Variants in POTEJ observed in about 807,000 individuals in gnomAD.
POTEJ encodes the protein POTE ankyrin domain family, member J.
In POTEJ, 11 loss-of-function variants were observed where a neutral mutation model predicts 69.0. The ratio of observed to expected loss-of-function variants is 0.16; its 90% CI spans 0.10 to 0.26. POTEJ has a LOEUF of 0.26. Ranked by LOEUF, POTEJ falls within the 10% of genes least tolerant of loss-of-function variation. The pLI is 1.00. For synonymous variants in POTEJ, 117 were observed against 381.1 expected (o/e 0.31, Z 8.07); for missense variants, 327 against 1,045.5 (o/e 0.31, Z 9.48).
chr2:130,626,655 G>C (rs1685718075), intron 6 of POTEJ, among the ~76,000 whole-genome samples: 1 of 152,170 alleles, frequency 6.6e-6, no homozygotes. Flanking sequence ...TTGATGGAAG[G>C]TTCTTTACCC....
rs1222605234 is a variant in POTEJ, at chr2:130,657,338, G to C, written c.2578G>C (p.Gly860Arg). 6.3e-7 allele frequency: 1 copy of C among 1,598,360 alleles called. No individual in the cohort carries two copies. The highest frequency in any genetic ancestry group is 2.2e-5 in the East Asian group (1 of 44,808). Residue 860 changes from glycine (G) to arginine (R), a missense_variant, in exon 15 of 15, where the codon GGC becomes CGC. Transcript: ENST00000409602. ...DYLMKILTER[G>R]YRFTTMAERE... ...CCTCATGAAGATCCTCACCGAGCGT[G>C]GCTATAGGTTCACCACCATGGCCGA... is the stretch of plus-strand genomic sequence containing the variant.
chr2:130,642,893 C>A (rs554855333), intron 10 of POTEJ, among the ~76,000 whole-genome samples: 1 of 150,890 alleles, frequency 6.6e-6, no homozygotes, highest in East Asian at 1.9e-4. Context: ...TCTGGCTAGT[C>A]TCAATATTTA....
Position 130,657,561 on chromosome 2 carries a change from C to A in POTEJ, c.2801C>A (p.Ser934Tyr). 1 of 1,557,916 alleles carries A rather than the reference C, an allele frequency of 6.4e-7. No homozygotes were observed. The highest frequency in any genetic ancestry group is 1.1e-5 in the South Asian group (1 of 90,102). Residue 934 changes from serine to tyrosine, a missense_variant, in exon 15 of 15, where the codon TCC (serine) becomes TAC (tyrosine). Ser to Tyr is a moderately radical substitution (Grantham distance 144, BLOSUM62 -2). Coordinates refer to ENST00000409602, the MANE Select transcript of POTEJ (RefSeq NM_001277083.2). The part of the protein sequence containing the change: ...LFQPCFLGME[S>Y]CGIHETTFNS... ...CAGCCTTGCTTCCTGGGCATGGAAT[C>A]CTGTGGCATCCATGAAACTACCTTC...
chr2:130,628,769 C>G (rs1327196074), intron 6 of POTEJ, among the ~76,000 whole-genome samples: 1 of 149,488 alleles, frequency 6.7e-6, no homozygotes, highest in Non-Finnish European at 1.5e-5. Flanking sequence ...CACCTCTAAT[C>G]CCAGCATTTT....
At chr2:130,648,569 T>C (rs201119229) in intron 13 of POTEJ, among the ~76,000 whole-genome samples, 130 of 130,840 alleles carry the variant, frequency 9.9e-4, no homozygotes, top group African/African-American at 3.8e-3. Context: ...TTTTCTTACA[T>C]CTCATTTAAT....
At chr2:130,637,864 A>G (rs1686168386) in intron 9 of POTEJ, among the ~76,000 whole-genome samples, 1 of 149,642 alleles carries the variant, frequency 6.7e-6, no homozygotes, top group African/African-American at 2.5e-5. Context: ...GGTCCAAGTC[A>G]GGTCTTAACA....
chr2:130,639,290 A>G (rs1226593934), intron 10 of POTEJ, among the ~76,000 whole-genome samples: 1 of 152,312 alleles, frequency 6.6e-6, no homozygotes, highest in East Asian at 1.9e-4. Context: ...AAAAGTAAGG[A>G]ATTTTTGTTC....
Position 130,656,599 on chromosome 2 carries a change from G to A in POTEJ, c.1839G>A (p.Met613Ile), listed in dbSNP as rs779609109. 1 of 1,609,586 alleles carries A rather than the reference G, an allele frequency of 6.2e-7. No individual in the cohort carries two copies. The highest frequency in any genetic ancestry group is 8.5e-7 in the Non-Finnish European group (1 of 1,179,874). ...KERDFLHENS[M>I]LREEIAMLRL... ...GAGACTTCTTGCATGAAAATAGTATGTTGCGGGAAGAAATTGCCATGCTAA... is the reference window on the plus strand; with the variant it reads ...GAGACTTCTTGCATGAAAATAGTATATTGCGGGAAGAAATTGCCATGCTAA... Residue 613 changes from methionine to isoleucine, a missense_variant, in exon 15 of 15, where the codon ATG becomes ATA. Physicochemically the swap from Met to Ile is conservative, Grantham distance 10 (BLOSUM62 1). Transcript: ENST00000409602.
intron 9 of POTEJ, among the ~76,000 whole-genome samples, chr2:130,633,323 AT>A (rs1389703285): frequency 7.3e-6 from 1 of 137,382 alleles, no homozygotes; most frequent in Non-Finnish European, 1.6e-5. Context: ...TATATAATAT[AT>A]GTAAAGGATA....
At chr2:130,637,040 C>T (rs1686119335) in intron 9 of POTEJ, among the ~76,000 whole-genome samples, 1 of 146,812 alleles carries the variant, frequency 6.8e-6, no homozygotes, top group South Asian at 2.1e-4. Flanking sequence ...GATCGTTGCA[C>T]TGCACTCCAG....
chr2:130,636,801 G>A (rs1393257890), intron 9 of POTEJ, among the ~76,000 whole-genome samples: 1 of 148,078 alleles, frequency 6.8e-6, no homozygotes, highest in Non-Finnish European at 1.5e-5. Context: ...CTTTAAAAAT[G>A]TTTGACGTAG....
chr2:130,626,667 G>A (rs1214969714), intron 6 of POTEJ, among the ~76,000 whole-genome samples: 6 of 152,292 alleles, frequency 3.9e-5, no homozygotes, highest in Non-Finnish European at 8.8e-5. Flanking sequence ...TCTTTACCCT[G>A]TAAAGAAACC....
chr2:130,636,148 T>C (rs1457199329), intron 9 of POTEJ, among the ~76,000 whole-genome samples: 31 of 149,898 alleles, frequency 2.1e-4, no homozygotes, highest in East Asian at 5.9e-4. Flanking sequence ...GGATGCTTTT[T>C]CCCCAGATAT....
intron 6 of POTEJ, among the ~76,000 whole-genome samples, chr2:130,624,969 A>G (rs1254496525): frequency 6.6e-6 from 1 of 151,862 alleles, no homozygotes; most frequent in African/African-American, 2.4e-5. Context: ...TAAATATACA[A>G]ATTGCCCAAC....
rs573498577 is a variant in POTEJ at position 130,612,492 on chromosome 2, C to T, written c.410+550C>T. On this transcript the variant is annotated intron_variant, in intron 1 of 14. Coordinates refer to ENST00000409602, the MANE Select transcript of POTEJ (RefSeq NM_001277083.2). ...TTAAGATGTGAGCTTTTTGGCTGGG[C>T]GCGGTGGCTCATGCCTGTAATCCCA... Among the ~76,000 whole-genome samples, 27 of 152,364 alleles carry T rather than the reference C, an allele frequency of 1.8e-4. No individual in the cohort carries two copies. In the South Asian group the frequency reaches 5.4e-3, roughly 30 times the overall value.
In POTEJ at chr2:130,624,100, G is replaced by A. The variant is rs1241624667; in HGVS notation, c.981G>A (p.Gln327=). The change falls in exon 6 of 15, where the codon CAG becomes CAA. Residue 327 remains glutamine, a synonymous_variant. Coordinates refer to ENST00000409602, the MANE Select transcript of POTEJ (RefSeq NM_001277083.2). ...CQLLSDYKEK[Q]MLKISSENSN... Reference sequence around the variant, plus strand: ...TACTTTCTGACTACAAAGAAAAACAGATGCTAAAAATCTCTTCTGAAAACA... The same window carrying A: ...TACTTTCTGACTACAAAGAAAAACAAATGCTAAAAATCTCTTCTGAAAACA... The A allele has an allele frequency of 1.3e-5, 18 of 1,417,954 alleles. No individual in the cohort carries two copies. Among genetic ancestry groups the A allele is most frequent in the Non-Finnish European group, 1.7e-5 (18 of 1,051,978 alleles). The allele number at this position is 1,417,954 out of a possible 1,614,324, so 87.8% of individuals were successfully genotyped here.
intron 10 of POTEJ, among the ~76,000 whole-genome samples, chr2:130,641,238 A>C (rs1458486284): frequency 6.6e-6 from 1 of 152,178 alleles, no homozygotes; most frequent in African/African-American, 2.4e-5. Context: ...CCAGGAGACA[A>C]AGGAAGTTTT....
intron 9 of POTEJ, among the ~76,000 whole-genome samples, chr2:130,638,408 C>G (rs1450734169): frequency 6.7e-6 from 1 of 150,250 alleles, no homozygotes; most frequent in South Asian, 2.1e-4. Flanking sequence ...ACAGTGCCCT[C>G]GATTTATGAG....
chr2:130,613,392 A>G lies in POTEJ; in HGVS notation c.410+1450A>G, dbSNP rs1443622267. ...TATATGTGTGTGTGTGTGTATATAT[A>G]TATATATATATATATATACTTTTTT... is the stretch of plus-strand genomic sequence containing the variant. On this transcript the variant is annotated intron_variant, in intron 1 of 14. Transcript: ENST00000409602. Among the ~76,000 whole-genome samples, 267 of 139,358 alleles carry G rather than the reference A, an allele frequency of 1.9e-3. 5 individuals are homozygous for G. Among genetic ancestry groups the G allele is most frequent in the Non-Finnish European group, 3.1e-3 (209 of 66,588 alleles). 91.4% of individuals were successfully genotyped at this position (139,358 alleles called of 152,430 possible).
Sources: allele counts gnomAD v4.1 joint callset (sites outside exome capture counted in the v4.1 genomes callset), GRCh38; gene constraint gnomAD v4.1.1; transcripts MANE v1.5; gene names NCBI Gene and HGNC (gene_info 2026-07-23, HGNC 2026-07-21).